Variants in CDK15 observed in about 807,000 individuals in gnomAD.
CDK15 encodes the protein cyclin dependent kinase 15.
CDK15 carries 62 observed loss-of-function variants against 60.3 expected under a neutral mutation model. The observed-to-expected ratio is 1.03, with a 90% CI of 0.84 to 1.27. The LOEUF is 1.27. Ranked by LOEUF, CDK15 falls within the 50% of genes most tolerant of loss-of-function variation. The pLI is 0.00. For synonymous variants in CDK15, 194 were observed against 195.7 expected, an observed-to-expected ratio of 0.99 and a Z score of 0.07; for missense variants, 541 against 527.8, an observed-to-expected ratio of 1.03 and a Z score of -0.25.
intron 4 of CDK15, among the ~76,000 whole-genome samples, chr2:201,818,102 A>G (rs1243728904): frequency 6.6e-6 from 1 of 152,180 alleles, no homozygotes; most frequent in Admixed American, 6.5e-5. Flanking sequence ...AACTCATTAC[A>G]ATTGGCCTGG....
chr2:201,886,266 G>GTTTCT (rs903251185), intron 12 of CDK15, among the ~76,000 whole-genome samples: 1 of 151,520 alleles, frequency 6.6e-6, no homozygotes, highest in East Asian at 1.9e-4. Flanking sequence ...TCTTACTTTA[G>GTTTCT]TTTATTTTCT....
Position 201,882,685 on chromosome 2 carries a change from G to C in CDK15, c.1198+2518G>C, listed in dbSNP as rs1201372324. ...CGTGCACATGAGTGCACGAGCATGTGTGTGTGCTTGTGTATGTGTGTGACA... is the reference window on the plus strand; with the variant it reads ...CGTGCACATGAGTGCACGAGCATGTCTGTGTGCTTGTGTATGTGTGTGACA... On this transcript the variant is annotated intron_variant, in intron 12 of 13. Coordinates refer to ENST00000652192, the MANE Select transcript of CDK15 (RefSeq NM_001366386.2). The surrounding 1 kb of genome is among the most constrained non-coding windows in gnomAD (Gnocchi z 4.0). Among the ~76,000 whole-genome samples, 2 of 151,930 alleles carry C rather than the reference G, an allele frequency of 1.3e-5. No homozygotes were observed. Among genetic ancestry groups the C allele is most frequent in the Admixed American group, 1.3e-4 (2 of 15,238 alleles).
At position 201,857,142 on chromosome 2, in the gene CDK15, C is replaced by T. The variant is rs1357775069; in HGVS notation, c.1009+2205C>T. ...TCGGGAGGCTGAGGCAGGAGAATGG[C>T]GTGAACCCGGGAAGCGGAGCTTGCA... On this transcript the variant is annotated intron_variant, in intron 10 of 13. Coordinates refer to ENST00000652192, the MANE Select transcript of CDK15 (RefSeq NM_001366386.2). Among the ~76,000 whole-genome samples, 3 of 52,138 alleles carry T rather than the reference C, an allele frequency of 5.8e-5. 1 individual carries two copies. Among genetic ancestry groups the T allele is most frequent in the African/African-American group, 2.3e-4 (1 of 4,348 alleles). The allele number at this position is 52,138 out of a possible 152,430, so 34.2% of individuals were successfully genotyped here. A position where few individuals can be genotyped will look rare whatever the true frequency, so the allele number is the denominator to read the frequency against.
intron 12 of CDK15, among the ~76,000 whole-genome samples, chr2:201,881,094 T>A (rs189109578): frequency 6.6e-6 from 1 of 151,774 alleles, no homozygotes; most frequent in East Asian, 1.9e-4. Context: ...GGCGATGGGG[T>A]GCAGTGAGAT....
intron 6 of CDK15, among the ~76,000 whole-genome samples, chr2:201,825,677 A>C (rs901938471): frequency 6.6e-6 from 1 of 152,190 alleles, no homozygotes; most frequent in African/African-American, 2.4e-5. Context: ...TGGCAATTTA[A>C]ATAGAGGAGC....
intron 12 of CDK15, chr2:201,888,589 CCTTT>C (rs1397601322): frequency 1.5e-5 from 22 of 1,453,560 alleles, no homozygotes; most frequent in South Asian, 8.5e-5. Context: ...TTTTTATTTC[CCTTT>C]CTTTCTTTCT....
chr2:201,878,263 G>A (rs1699154836), intron 11 of CDK15, among the ~76,000 whole-genome samples: 1 of 152,146 alleles, frequency 6.6e-6, no homozygotes, highest in South Asian at 2.1e-4. Context: ...AAGTAAATGG[G>A]AAACATGAAG....
At chr2:201,860,839 A>G in intron 10 of CDK15, 2 of 1,352,154 alleles carry the variant, frequency 1.5e-6, no homozygotes, top group Non-Finnish European at 2.0e-6. Context: ...TTGACCTTAA[A>G]TCCAGTGTGA....
Position 201,812,606 on chromosome 2 carries a change from T to C in CDK15, c.448+44T>C, listed in dbSNP as rs754930019. ...GACCCAATAGATCTGTTTTGAGTCC[T>C]TGATTTGGTAAAAAATGTATTGCAT... On this transcript the variant is annotated intron_variant, in intron 4 of 13. Transcript: ENST00000652192. The C allele has an allele frequency of 6.7e-6, 9 of 1,347,498 alleles. No homozygotes were observed. The Admixed American group carries it at 7.0e-5, about 11-fold the overall frequency. The allele number at this position is 1,347,498 out of a possible 1,614,324, so 83.5% of individuals were successfully genotyped here.
At chr2:201,865,607 G>A (rs1278184143) in intron 10 of CDK15, among the ~76,000 whole-genome samples, 1 of 152,116 alleles carries the variant, frequency 6.6e-6, no homozygotes, top group Non-Finnish European at 1.5e-5. Context: ...AGCTCGGGAA[G>A]GGCCAGGTGC....
At chr2:201,863,466 C>G (rs1698479639) in intron 10 of CDK15, among the ~76,000 whole-genome samples, 2 of 152,092 alleles carry the variant, frequency 1.3e-5, no homozygotes, top group Non-Finnish European at 2.9e-5. Flanking sequence ...AAGAGGCCTG[C>G]CTCAAGGTGC....
Position 201,823,725 on chromosome 2 carries a change from A to G in CDK15, c.604A>G (p.Arg202Gly). 2 of 1,613,584 alleles carry G rather than the reference A, an allele frequency of 1.2e-6. No individual in the cohort carries two copies. Among genetic ancestry groups the G allele is most frequent in the Non-Finnish European group, 1.7e-6 (2 of 1,179,650 alleles). ...AGGAGGGCTTCATCCTCATAATGTC[A>G]GAGTGAGTACGTTAAGGGTCAGGAC... ...HPGGLHPHNV[R>G]LFMFQLLRGL... Residue 202 changes from arginine to glycine, a missense_variant and splice_region_variant, in exon 6 of 14, where the codon AGA (arginine) becomes GGA (glycine). Transcript: ENST00000652192.
rs554701481 is a variant in CDK15 at position 201,825,285 on chromosome 2, C to G, written c.606+1558C>G. ...CAAAGATCACACCAATGCACTGTAG[C>G]CTGGATGACAGGGCAAGACTCCAAC... is the stretch of plus-strand genomic sequence containing the variant. On this transcript the variant is annotated intron_variant, in intron 6 of 13. Transcript: ENST00000652192. 2.0e-5 allele frequency among the ~76,000 whole-genome samples: 3 copies of G among 147,610 alleles called. No homozygotes were observed. The South Asian group carries it at 6.5e-4, about 32-fold the overall frequency.
At chr2:201,822,735 T>C in intron 4 of CDK15, 74 bp from the exon 5 acceptor site, 2 of 814,380 alleles carry the variant, frequency 2.5e-6, no homozygotes, top group South Asian at 3.3e-5. Flanking sequence ...TGAAAAAATA[T>C]ATACCGTCTG....
At chr2:201,877,500 A>AAACTTC (rs1475190721) in intron 11 of CDK15, among the ~76,000 whole-genome samples, 2 of 152,324 alleles carry the variant, frequency 1.3e-5, no homozygotes, top group Non-Finnish European at 2.9e-5. Context: ...ATTTTGGCAC[A>AAACTTC]AACTTCACCT....
At chr2:201,863,081 G>A (rs371897506) in intron 10 of CDK15, among the ~76,000 whole-genome samples, 101 of 152,218 alleles carry the variant, frequency 6.6e-4, no homozygotes, top group African/African-American at 2.3e-3. Flanking sequence ...CTTCTGGAGC[G>A]CTGCTGAAAG....
At chr2:201,814,956 T>C (rs1310069081) in intron 4 of CDK15, among the ~76,000 whole-genome samples, 1 of 151,824 alleles carries the variant, frequency 6.6e-6, no homozygotes, top group African/African-American at 2.4e-5. Context: ...AACATTTTTT[T>C]TTTTTTTTTT....
At chr2:201,870,363 A>G (rs562124958) in intron 10 of CDK15, among the ~76,000 whole-genome samples, 1 of 152,246 alleles carries the variant, frequency 6.6e-6, no homozygotes, top group Admixed American at 6.5e-5. Context: ...TGTTGTGATG[A>G]ACAGCCTTGG....
In CDK15 at chr2:201,806,830, C is replaced by T. The variant is rs761731112; in HGVS notation, c.123+43C>T. The T allele has an allele frequency of 1.9e-6, 3 of 1,591,160 alleles. No individual in the cohort carries two copies. The African/African-American group carries it at 4.0e-5, about 21-fold the overall frequency. On this transcript the variant is annotated intron_variant, in intron 1 of 13. Transcript: ENST00000652192. ...GAGAGCATCTTTCTCTATTGATAAA[C>T]CAAGGAGTTCAGACACTCCCTTTTT...
Sources: gnomAD v4.1 joint callset for allele counts (sites outside exome capture counted in the v4.1 genomes callset) on GRCh38, gnomAD v4.1.1 for gene constraint, Gnocchi (gnomAD v3.1) non-coding constraint, MANE v1.5 for transcripts, NCBI Gene and HGNC (gene_info 2026-07-23, HGNC 2026-07-21) for gene names.